Variants in ARB2A observed in about 807,000 individuals in gnomAD.
ARB2A encodes the protein cotranscriptional regulator ARB2A.
chr5:93,790,120 T>C, the ARB2A span, among the ~76,000 whole-genome samples: 1 of 152,238 alleles, frequency 6.6e-6, no homozygotes, highest in African/African-American at 2.4e-5. Flanking sequence ...CTAGTAATGA[T>C]ACTTTGAGTA....
the ARB2A span, among the ~76,000 whole-genome samples, chr5:93,947,961 C>A: frequency 9.2e-5 from 14 of 151,936 alleles, no homozygotes; most frequent in South Asian, 4.2e-4. Flanking sequence ...TGAATAGTGC[C>A]GCAATAAACA....
chr5:94,049,354 C>T, the ARB2A span, among the ~76,000 whole-genome samples: 4 of 152,114 alleles, frequency 2.6e-5, no homozygotes, highest in East Asian at 7.7e-4. Flanking sequence ...CAAATAAACA[C>T]CTGAAAGAAA....
chr5:93,970,076 C>G, the ARB2A span, among the ~76,000 whole-genome samples: 1 of 152,040 alleles, frequency 6.6e-6, no homozygotes, highest in Admixed American at 6.5e-5. Context: ...GAAAATTTCT[C>G]AATAGTAACA....
At chr5:94,041,243 T>C in the ARB2A span, among the ~76,000 whole-genome samples, 1 of 151,810 alleles carries the variant, frequency 6.6e-6, no homozygotes, top group Non-Finnish European at 1.5e-5. Context: ...TGTGTCCTTC[T>C]GTATTGTCTG....
the ARB2A span, among the ~76,000 whole-genome samples, chr5:93,817,846 T>C: frequency 0.046 from 7,033 of 152,126 alleles, 270 homozygotes; most frequent in East Asian, 0.14. Context: ...ACTAGATAAA[T>C]TGGACTTCAT....
At chr5:93,930,581 TC>T in the ARB2A span, among the ~76,000 whole-genome samples, 1 of 152,126 alleles carries the variant, frequency 6.6e-6, no homozygotes, top group East Asian at 1.9e-4. Context: ...TAGGGAGAAG[TC>T]TTTCAGATAG....
chr5:93,946,066 A>G, the ARB2A span, among the ~76,000 whole-genome samples: 1 of 152,198 alleles, frequency 6.6e-6, no homozygotes, highest in Non-Finnish European at 1.5e-5. Context: ...GTGAACAAGT[A>G]GACTGAAGGC....
the ARB2A span, among the ~76,000 whole-genome samples, chr5:93,992,987 C>A: frequency 6.6e-6 from 1 of 151,864 alleles, no homozygotes; most frequent in African/African-American, 2.4e-5. Context: ...ATACAAGAAA[C>A]AAAAACACCT....
chr5:94,022,780 T>C, the ARB2A span, among the ~76,000 whole-genome samples: 5 of 152,142 alleles, frequency 3.3e-5, no homozygotes, highest in African/African-American at 9.7e-5. Flanking sequence ...CAGTGGGCAA[T>C]TGAAATACTT....
At chr5:93,670,773 G>A in the ARB2A span, among the ~76,000 whole-genome samples, 1 of 152,118 alleles carries the variant, frequency 6.6e-6, no homozygotes, top group Non-Finnish European at 1.5e-5. Flanking sequence ...TCTAGAAAGG[G>A]ACAGATTTTC....
chr5:93,621,184 GAGGGCGGCGAGGGCCAGGCCGAGCC>G, the ARB2A span: 1 of 1,510,958 alleles, frequency 6.6e-7, no homozygotes, highest in Non-Finnish European at 8.9e-7. Flanking sequence ...CAGGCGCGGT[GAGGGCGGCGAGGGCCAGGCCGAGCC>G]CCGGCTCCCG....
chr5:93,773,399 T>C, the ARB2A span, among the ~76,000 whole-genome samples: 122 of 152,244 alleles, frequency 8.0e-4, no homozygotes, highest in Admixed American at 4.6e-3. Flanking sequence ...AAGTAGTATC[T>C]CTGCAATGCA....
chr5:93,989,339 A>G, the ARB2A span, among the ~76,000 whole-genome samples: 15 of 152,186 alleles, frequency 9.9e-5, no homozygotes, highest in Non-Finnish European at 1.9e-4. Context: ...ATATGAGAAC[A>G]TATGTGATTT....
chr5:93,654,715 C>T, the ARB2A span, among the ~76,000 whole-genome samples: 1 of 152,274 alleles, frequency 6.6e-6, no homozygotes, highest in Middle Eastern at 3.4e-3. Flanking sequence ...TTGTTACCTG[C>T]AAAACTTATC....
the ARB2A span, among the ~76,000 whole-genome samples, chr5:93,623,646 T>G: frequency 6.6e-6 from 1 of 152,154 alleles, no homozygotes; most frequent in Non-Finnish European, 1.5e-5. Flanking sequence ...CTGAGATAAC[T>G]GAATACTTGT....
At chr5:94,083,816 G>C in the ARB2A span, among the ~76,000 whole-genome samples, 3 of 149,414 alleles carry the variant, frequency 2.0e-5, no homozygotes, top group Non-Finnish European at 4.5e-5. Flanking sequence ...CAAAAAACAA[G>C]GTCCTCTAAA....
the ARB2A span, chr5:93,621,169 G>GGGGCCAGGCGCGGTGAGGGCGGCGA: frequency 6.5e-7 from 1 of 1,549,604 alleles, no homozygotes; most frequent in East Asian, 2.6e-5. Context: ...GTGGCCACGC[G>GGGGCCAGGCGCGGTGAGGGCGGCGA]GGGCCAGGCG....
At chr5:94,049,089 T>C in the ARB2A span, among the ~76,000 whole-genome samples, 1 of 152,210 alleles carries the variant, frequency 6.6e-6, no homozygotes, top group African/African-American at 2.4e-5. Flanking sequence ...AGAAAAGTAA[T>C]GTAGCTATCT....
the ARB2A span, among the ~76,000 whole-genome samples, chr5:94,096,917 C>T: frequency 2.0e-5 from 3 of 152,088 alleles, no homozygotes; most frequent in Non-Finnish European, 4.4e-5. Context: ...GTTAAACAGG[C>T]GTGGAATGGC....
Sources: allele counts gnomAD v4.1 joint callset (sites outside exome capture counted in the v4.1 genomes callset), GRCh38; gene constraint gnomAD v4.1.1; transcripts MANE v1.5; gene names NCBI Gene and HGNC (gene_info 2026-07-23, HGNC 2026-07-21).